PRKAG2: variants seen among roughly 807,000 people sequenced by gnomAD.
PRKAG2 encodes the protein 5'-AMP-activated protein kinase subunit gamma-2.
A neutral mutation model predicts 69.6 loss-of-function variants in PRKAG2; 26 were observed. The ratio of observed to expected loss-of-function variants is 0.37; its 90% CI spans 0.27 to 0.52. The LOEUF is 0.52. Among genes scored for constraint, PRKAG2 ranks in the 20% least tolerant of loss-of-function variants. The pLI, the probability that PRKAG2 is intolerant of heterozygous loss-of-function variation, is 0.90. For synonymous variants in PRKAG2, 293 were observed against 285.0 expected (o/e 1.03, Z -0.28); for missense variants, 557 against 740.0 (o/e 0.75, Z 2.87).
chr7:151,834,391 T>C (rs2079100744), intron 1 of PRKAG2, among the ~76,000 whole-genome samples: 1 of 152,244 alleles, frequency 6.6e-6, no homozygotes. Context: ...CACACTGAGT[T>C]AGCAAATGCT....
At position 151,838,205 on chromosome 7, in the gene PRKAG2, G is replaced by A. The variant is rs115059564; in HGVS notation, c.114+38302C>T. ...TAGACTCAGAGCCAGAAGAGGAAGA[G>A]GAGGCCAGCTCCCACTGCTGCAGCA... On this transcript the variant is annotated intron_variant, in intron 1 of 15. Transcript: ENST00000287878. Among the ~76,000 whole-genome samples the A allele has an allele frequency of 5.6e-3, 850 of 152,324 alleles. 8 individuals carry two copies. The highest frequency in any genetic ancestry group is 0.018 in the African/African-American group (766 of 41,574).
chr7:151,731,399 C>T (rs1008222867), intron 3 of PRKAG2, among the ~76,000 whole-genome samples: 2 of 152,348 alleles, frequency 1.3e-5, no homozygotes, highest in East Asian at 1.9e-4. Flanking sequence ...ACAAGGCCAG[C>T]GGGTGAACAT....
intron 3 of PRKAG2, among the ~76,000 whole-genome samples, chr7:151,744,383 T>C (rs962486893): frequency 6.6e-6 from 1 of 152,052 alleles, no homozygotes; most frequent in Non-Finnish European, 1.5e-5. Context: ...GTCTCCGTTG[T>C]AGACACCATG....
rs570075497 is a variant in PRKAG2 at position 151,679,237 on chromosome 7, G to A, written c.467-3600C>T. ...CCAGGGCTCGGGGAGGCCTGCCCGG[G>A]GCCTCTCAGGGGGATCTGCAGGGGC... On this transcript the variant is annotated intron_variant, in intron 3 of 15. Coordinates refer to ENST00000287878, the MANE Select transcript of PRKAG2 (RefSeq NM_016203.4). Among the ~76,000 whole-genome samples the A allele has an allele frequency of 2.0e-5, 3 of 152,232 alleles. No homozygotes were observed. The South Asian group carries it at 6.2e-4, about 32-fold the overall frequency.
At chr7:151,579,643 G>A (rs1162216056) in intron 6 of PRKAG2, among the ~76,000 whole-genome samples, 1 of 152,126 alleles carries the variant, frequency 6.6e-6, no homozygotes, top group African/African-American at 2.4e-5. Flanking sequence ...ATTTTTCTGA[G>A]GGCATTTCCC....
At chr7:151,720,967 G>C (rs540778514) in intron 3 of PRKAG2, among the ~76,000 whole-genome samples, 7 of 147,072 alleles carry the variant, frequency 4.8e-5, no homozygotes, top group Non-Finnish European at 1.0e-4. Context: ...AGAAGGAACA[G>C]AAGGAGATGG....
intron 14 of PRKAG2, among the ~76,000 whole-genome samples, chr7:151,563,783 T>C (rs948361068): frequency 1.2e-4 from 19 of 152,250 alleles, no homozygotes; most frequent in Non-Finnish European, 2.5e-4. Flanking sequence ...GGTCTTATTA[T>C]GTCGTCCACA....
At chr7:151,732,281 G>A (rs775678556) in intron 3 of PRKAG2, among the ~76,000 whole-genome samples, 1 of 151,746 alleles carries the variant, frequency 6.6e-6, no homozygotes, top group Non-Finnish European at 1.5e-5. Context: ...TGGGACTACC[G>A]ACATGCACCA....
At chr7:151,697,130 T>C (rs1836810243) in intron 3 of PRKAG2, among the ~76,000 whole-genome samples, 1 of 152,054 alleles carries the variant, frequency 6.6e-6, no homozygotes, top group African/African-American at 2.4e-5. Context: ...GGGAGAGAGC[T>C]GGAGCCAGTT....
chr7:151,721,826 C>A (rs542053581), intron 3 of PRKAG2, among the ~76,000 whole-genome samples: 3 of 152,164 alleles, frequency 2.0e-5, no homozygotes, highest in African/African-American at 7.2e-5. Context: ...CTCTCTGACC[C>A]AGGTCCCTTA....
In PRKAG2 at chr7:151,780,521, T is replaced by C. The variant is rs1381316225; in HGVS notation, c.466+631A>G. On this transcript the variant is annotated intron_variant, in intron 3 of 15. Transcript: ENST00000287878. The surrounding 1 kb of genome is among the most constrained non-coding windows in gnomAD (Gnocchi z 4.2). ...CTAGTTCGTGGTATATTTCATATTA[T>C]CATCGACGGCGCTCAAATGAAAATA... 6.6e-6 allele frequency among the ~76,000 whole-genome samples: 1 copy of C among 152,246 alleles called. No individual in the cohort carries two copies. The highest frequency in any genetic ancestry group is 2.4e-5 in the African/African-American group (1 of 41,464).
chr7:151,858,890 G>A (rs572002381), intron 1 of PRKAG2, among the ~76,000 whole-genome samples: 4 of 152,278 alleles, frequency 2.6e-5, no homozygotes, highest in African/African-American at 7.2e-5. Flanking sequence ...CAGGAGTCTT[G>A]ATGGAGCTGA....
rs2079124916 is a variant in PRKAG2, at chr7:151,835,403, A to G, written c.114+41104T>C. 6.6e-6 allele frequency among the ~76,000 whole-genome samples: 1 copy of G among 151,952 alleles called. No homozygotes were observed. The highest frequency in any genetic ancestry group is 1.9e-4 in the East Asian group (1 of 5,174). On this transcript the variant is annotated intron_variant, in intron 1 of 15. Transcript: ENST00000287878. The surrounding 1 kb of genome is among the most constrained non-coding windows in gnomAD (Gnocchi z 4.1). ...AGAGACGGGTCTCCCTATGTTGCCC[A>G]GGCTGGTCTCGAACTCCTTGGCTCA...
In PRKAG2 at chr7:151,781,423, G is replaced by A. The variant is rs1217358495; in HGVS notation, c.195C>T (p.Ser65=). The A allele has an allele frequency of 2.5e-6, 4 of 1,606,300 alleles. No individual in the cohort carries two copies. The highest frequency in any genetic ancestry group is 3.4e-5 in the Admixed American group (2 of 58,872). ...SGKHSSRKVD[S]PFGPGSPSKG... is the part of the protein sequence containing the mutation. ...TGGAGGGGCTGCCCGGGCCGAAGGGGCTGTCCACCTGCAGAAAAACAGACG... is the reference window on the plus strand; with the variant it reads ...TGGAGGGGCTGCCCGGGCCGAAGGGACTGTCCACCTGCAGAAAAACAGACG... Residue 65 remains serine (S), a synonymous_variant, in exon 3 of 16, where the codon AGC becomes AGT. Coordinates refer to ENST00000287878, the MANE Select transcript of PRKAG2 (RefSeq NM_016203.4). The surrounding 1 kb of genome is among the most constrained non-coding windows in gnomAD (Gnocchi z 6.1).
At chr7:151,723,772 C>A (rs2079988) in intron 3 of PRKAG2, among the ~76,000 whole-genome samples, 134,711 of 152,136 alleles carry the variant, frequency 0.89, 60,119 homozygotes, top group East Asian at 1. Context: ...TTGGTCTCAA[C>A]TGGCAAATCC....
chr7:151,747,488 C>T (rs887527727), intron 3 of PRKAG2, among the ~76,000 whole-genome samples: 2 of 152,008 alleles, frequency 1.3e-5, no homozygotes, highest in Admixed American at 1.3e-4. Context: ...ACCTGGAAGG[C>T]GGGGTTTGTA....
chr7:151,756,510 C>G lies in PRKAG2; in HGVS notation c.466+24642G>C, dbSNP rs888208970. Among the ~76,000 whole-genome samples the G allele has an allele frequency of 6.6e-6, 1 of 152,252 alleles. No individual in the cohort carries two copies. The highest frequency in any genetic ancestry group is 1.5e-5 in the Non-Finnish European group (1 of 68,044). Reference sequence around the variant, plus strand: ...CTCTCATGCTCAATCCTCACCCCTACTCTGCCTGGATGCAGGGGCTGACCT... The same window carrying G: ...CTCTCATGCTCAATCCTCACCCCTAGTCTGCCTGGATGCAGGGGCTGACCT... On this transcript the variant is annotated intron_variant, in intron 3 of 15. Transcript: ENST00000287878. This position sits in a 1 kb window ranked among gnomAD's most constrained non-coding sequence, Gnocchi z 4.9.
chr7:151,653,366 C>G (rs2727528), intron 4 of PRKAG2, among the ~76,000 whole-genome samples: 1 of 151,906 alleles, frequency 6.6e-6, no homozygotes. Flanking sequence ...CCCTTTAGAT[C>G]GAAAACAGGA....
intron 5 of PRKAG2, among the ~76,000 whole-genome samples, chr7:151,613,551 G>A (rs1212895887): frequency 6.6e-5 from 10 of 152,192 alleles, no homozygotes; most frequent in Admixed American, 6.5e-4. Flanking sequence ...AGGCTGGAGT[G>A]CAGTGGTAGG....
Sources: gnomAD v4.1 joint callset for allele counts (sites outside exome capture counted in the v4.1 genomes callset) on GRCh38, gnomAD v4.1.1 for gene constraint, Gnocchi (gnomAD v3.1) non-coding constraint, MANE v1.5 for transcripts, NCBI Gene and HGNC (gene_info 2026-07-23, HGNC 2026-07-21) for gene names.